The following EMSY variants were observed in gnomAD, a reference collection of about 807,000 sequenced individuals.
EMSY encodes BRCA2-interacting transcriptional repressor EMSY.
A neutral mutation model predicts 134.6 loss-of-function variants in EMSY; 26 were observed. The observed-to-expected ratio is 0.19, with a 90% CI of 0.14 to 0.27. The LOEUF is 0.27. EMSY is among the 10% of genes least tolerant of loss of function. The pLI, the probability that EMSY is intolerant of heterozygous loss-of-function variation, is 1.00. For missense variants in EMSY, 1,305 were observed against 1,611.4 expected (o/e 0.81, Z 3.26); for synonymous variants, 579 against 577.8 (o/e 1.00, Z -0.03).
intron 8 of EMSY, among the ~76,000 whole-genome samples, chr11:76,493,150 A>G (rs1439591252): frequency 6.6e-6 from 1 of 152,024 alleles, no homozygotes; most frequent in Non-Finnish European, 1.5e-5. Flanking sequence ...TTCAGAGCAA[A>G]GTTGAGGCCT....
chr11:76,463,734 C>A, intron 6 of EMSY, 87 bp from the exon 8 acceptor site: 1 of 1,428,526 alleles, frequency 7.0e-7, no homozygotes, highest in South Asian at 1.3e-5. Context: ...AGAGAGAGGA[C>A]AAGGATGATA....
At chr11:76,491,597 C>G (rs947496759) in intron 8 of EMSY, among the ~76,000 whole-genome samples, 2 of 152,252 alleles carry the variant, frequency 1.3e-5, no homozygotes, top group African/African-American at 4.8e-5. Context: ...GAAGCCCTCA[C>G]CCAGTTTGGA....
At chr11:76,458,183 T>C in exon 5 of EMSY, 2 of 1,600,538 alleles carry the variant, frequency 1.2e-6, no homozygotes, top group Non-Finnish European at 1.7e-6. Flanking sequence ...TTTTGTTTAG[T>C]ATGTCTGGAC....
chr11:76,518,861 T>C (rs1211259620), intron 11 of EMSY, among the ~76,000 whole-genome samples: 2 of 147,736 alleles, frequency 1.4e-5, no homozygotes, highest in Admixed American at 6.8e-5. Context: ...GGCTGTCTTG[T>C]GTGTGTGTGT....
chr11:76,493,483 CTG>C (rs1193618365), intron 8 of EMSY, among the ~76,000 whole-genome samples: 1 of 152,142 alleles, frequency 6.6e-6, no homozygotes, highest in African/African-American at 2.4e-5. Context: ...GGAGTCGAGA[CTG>C]GAGTGAGAAG....
At chr11:76,528,546 C>A in intron 14 of EMSY, 80 bp downstream of exon 15, 12 of 873,906 alleles carry the variant, frequency 1.4e-5, no homozygotes, top group Non-Finnish European at 2.1e-5. Flanking sequence ...TGCTTCTACA[C>A]ATTTCACAAC....
chr11:76,509,281 T>C (rs1950188747), intron 9 of EMSY, among the ~76,000 whole-genome samples: 1 of 151,426 alleles, frequency 6.6e-6, no homozygotes, highest in Admixed American at 6.6e-5. Context: ...TCACCGGAGG[T>C]CAGGAGTTCG....
intron 8 of EMSY, among the ~76,000 whole-genome samples, chr11:76,473,707 A>G (rs1339343042): frequency 6.6e-6 from 1 of 152,102 alleles, no homozygotes; most frequent in Non-Finnish European, 1.5e-5. Flanking sequence ...ATAGCAGAGT[A>G]GGCCGGGCAC....
At chr11:76,457,403 T>G (rs1947917669) in intron 4 of EMSY, among the ~76,000 whole-genome samples, 1 of 152,222 alleles carries the variant, frequency 6.6e-6, no homozygotes, top group Non-Finnish European at 1.5e-5. Flanking sequence ...CGTTTTGATA[T>G]TTCAACCTCT....
chr11:76,446,540 A>C (rs1947418606), intron 1 of EMSY, among the ~76,000 whole-genome samples: 1 of 152,066 alleles, frequency 6.6e-6, no homozygotes, highest in Non-Finnish European at 1.5e-5. Flanking sequence ...TATTAAATGA[A>C]ATGCCAGCCA....
intron 20 of EMSY, among the ~76,000 whole-genome samples, chr11:76,549,064 A>G (rs1021175598): frequency 6.6e-6 from 1 of 152,228 alleles, no homozygotes; most frequent in Non-Finnish European, 1.5e-5. Flanking sequence ...CAAAAATGTA[A>G]CAGAATGTAA....
intron 8 of EMSY, among the ~76,000 whole-genome samples, chr11:76,479,349 CCTT>C (rs1948882377): frequency 6.6e-6 from 1 of 152,310 alleles, no homozygotes; most frequent in Middle Eastern, 3.4e-3. Context: ...AAAAAAGACT[CCTT>C]CTGCCTTCTG....
At chr11:76,545,889 C>T (rs752316897) in exon 20 of EMSY, 1 of 1,614,172 alleles carries the variant, frequency 6.2e-7, no homozygotes, top group South Asian at 1.1e-5. Flanking sequence ...TAACTGGTGG[C>T]AGTTCTGTGC....
rs560805578 is a variant in EMSY, at chr11:76,488,717, T to C, written c.1109-7498T>C. On this transcript the variant is annotated intron_variant, in intron 8 of 20. Coordinates refer to ENST00000334736, the Ensembl canonical transcript of EMSY. Reference sequence around the variant, plus strand: ...AAAACCAGAAGTCCAGAAGGGAGGCTCAAGTTAGGCATTAGCTCATTTGAG... The same window carrying C: ...AAAACCAGAAGTCCAGAAGGGAGGCCCAAGTTAGGCATTAGCTCATTTGAG... Among the ~76,000 whole-genome samples, 4 of 152,302 alleles carry C rather than the reference T, an allele frequency of 2.6e-5. No homozygotes were observed. In the South Asian group the frequency reaches 6.2e-4, roughly 24 times the overall value.
chr11:76,523,574 G>A (rs1221742298), intron 12 of EMSY, among the ~76,000 whole-genome samples: 2 of 152,124 alleles, frequency 1.3e-5, no homozygotes, highest in Admixed American at 6.5e-5. Flanking sequence ...AACTGTAGGG[G>A]GACTTCAGTT....
chr11:76,516,111 A>G (rs1950441134), intron 10 of EMSY, 31 bp from the exon 12 acceptor site: 2 of 1,571,822 alleles, frequency 1.3e-6, no homozygotes, highest in Non-Finnish European at 1.7e-6. Context: ...AGCAATGACA[A>G]GTTTTTCTTT....
At chr11:76,478,914 A>G (rs1385993290) in intron 8 of EMSY, among the ~76,000 whole-genome samples, 1 of 151,820 alleles carries the variant, frequency 6.6e-6, no homozygotes, top group African/African-American at 2.4e-5. Flanking sequence ...CATCTTTGTG[A>G]ATTTAATTGA....
chr11:76,523,240 C>G, exon 12 of EMSY: 1 of 1,613,818 alleles, frequency 6.2e-7, no homozygotes, highest in Non-Finnish European at 8.5e-7. Flanking sequence ...AAGGAACGAC[C>G]ATTCAAGGCC....
chr11:76,549,983 C>A, exon 21 of EMSY: 1 of 1,613,348 alleles, frequency 6.2e-7, no homozygotes, highest in Non-Finnish European at 8.5e-7. Context: ...CCTTGTCACT[C>A]CAGCTCCAAT....
Sources: gnomAD v4.1 joint callset for allele counts (sites outside exome capture counted in the v4.1 genomes callset) on GRCh38, gnomAD v4.1.1 for gene constraint, MANE v1.5 for transcripts, NCBI Gene and HGNC (gene_info 2026-07-23, HGNC 2026-07-21) for gene names.